CYP2C19: variants seen among roughly 807,000 people sequenced by gnomAD.
CYP2C19 encodes the protein cytochrome P450 family 2 subfamily C member 19, also known as cytochrome P450 2C19.
A neutral mutation model predicts 40.9 loss-of-function variants in CYP2C19; 59 were observed. The ratio of observed to expected loss-of-function variants is 1.44; its 90% CI spans 1.17 to 1.79. The LOEUF (loss-of-function observed/expected upper bound fraction) is 1.79, where lower values mean the gene tolerates loss of function less well. CYP2C19 is among the 40% of genes most tolerant of loss of function. The pLI is 0.00. For synonymous variants in CYP2C19, 253 were observed against 208.7 expected (o/e 1.21, Z -1.83); for missense variants, 754 against 596.9 (o/e 1.26, Z -2.74).
chr10:94,830,851 A>C (rs1003132742), intron 6 of CYP2C19, among the ~76,000 whole-genome samples: 1 of 152,160 alleles, frequency 6.6e-6, no homozygotes, highest in African/African-American at 2.4e-5. Context: ...ATGTGAAATA[A>C]GCATGTCATG....
At chr10:94,793,073 A>T (rs1309502567) in intron 5 of CYP2C19, among the ~76,000 whole-genome samples, 2 of 151,964 alleles carry the variant, frequency 1.3e-5, no homozygotes, top group Non-Finnish European at 2.9e-5. Context: ...TTTTTTCTCT[A>T]AACTTCCCTT....
chr10:94,818,665 G>A (rs914644029), intron 5 of CYP2C19, among the ~76,000 whole-genome samples: 51 of 148,840 alleles, frequency 3.4e-4, no homozygotes, highest in African/African-American at 1.0e-3. Flanking sequence ...GTGAATGGGA[G>A]TTCACTCATG....
chr10:94,812,632 A>G (rs937779643), intron 5 of CYP2C19, among the ~76,000 whole-genome samples: 2 of 152,078 alleles, frequency 1.3e-5, no homozygotes, highest in African/African-American at 4.8e-5. Context: ...GTTGATCTTG[A>G]ATCTCTGATA....
At chr10:94,789,562 T>G (rs1228920513) in intron 5 of CYP2C19, among the ~76,000 whole-genome samples, 2 of 152,162 alleles carry the variant, frequency 1.3e-5, no homozygotes, top group East Asian at 1.9e-4. Flanking sequence ...TTTCTCCATA[T>G]GGTTAGCCAG....
Position 94,764,669 on chromosome 10 carries a change from C to T in CYP2C19, c.168+1796C>T, listed in dbSNP as rs187925393. 2.0e-5 allele frequency among the ~76,000 whole-genome samples: 3 copies of T among 152,154 alleles called. No individual in the cohort carries two copies. The East Asian group carries it at 5.8e-4, about 29-fold the overall frequency. On this transcript the variant is annotated intron_variant, in intron 1 of 8. Transcript: ENST00000371321. The stretch of plus-strand genomic sequence containing the variant: ...GGAACTCTTTAGGCCAGTGAAAGGG[C>T]CAGTGGGTCAGTCCAGGTGTCCTTG...
intron 5 of CYP2C19, among the ~76,000 whole-genome samples, chr10:94,799,620 C>T (rs1466123692): frequency 2.6e-5 from 4 of 152,186 alleles, no homozygotes; most frequent in African/African-American, 9.7e-5. Flanking sequence ...CTCCCTATCA[C>T]TTTCTGGTAC....
Position 94,854,895 on chromosome 10 carries a change from A to C in CYP2C19, c.*1981A>C, listed in dbSNP as rs1406129401. Reference sequence around the variant, plus strand: ...TACATTAATGGAAAGATACAGATGGAAATTACACATTATACATTTTAAACA... The same window carrying C: ...TACATTAATGGAAAGATACAGATGGCAATTACACATTATACATTTTAAACA... On this transcript the variant is annotated 3_prime_UTR_variant, in exon 9 of 9. Transcript: ENST00000371321. 1.3e-5 allele frequency among the ~76,000 whole-genome samples: 2 copies of C among 152,200 alleles called. No individual in the cohort carries two copies. Among genetic ancestry groups the C allele is most frequent in the African/African-American group, 4.8e-5 (2 of 41,454 alleles).
chr10:94,822,060 T>C (rs1481536827), intron 6 of CYP2C19, among the ~76,000 whole-genome samples: 1 of 152,210 alleles, frequency 6.6e-6, no homozygotes, highest in African/African-American at 2.4e-5. Context: ...TCTGTTCTTG[T>C]ATTAGATTGC....
At chr10:94,779,996 C>G (rs1419437761) in intron 3 of CYP2C19, among the ~76,000 whole-genome samples, 2 of 152,160 alleles carry the variant, frequency 1.3e-5, no homozygotes, top group African/African-American at 4.8e-5. Context: ...AAAACACATT[C>G]TGCTTCTTAC....
chr10:94,796,215 A>G (rs1174187256), intron 5 of CYP2C19, among the ~76,000 whole-genome samples: 4 of 152,116 alleles, frequency 2.6e-5, no homozygotes, highest in Admixed American at 6.6e-5. Flanking sequence ...CTTTCTCCAT[A>G]TGGCTAGCCA....
At chr10:94,826,605 CAG>C (rs1849227637) in intron 6 of CYP2C19, among the ~76,000 whole-genome samples, 1 of 152,172 alleles carries the variant, frequency 6.6e-6, no homozygotes, top group African/African-American at 2.4e-5. Flanking sequence ...CATCTGTAAA[CAG>C]AGACAATTTG....
chr10:94,813,306 C>A (rs1037069956), intron 5 of CYP2C19, among the ~76,000 whole-genome samples: 8 of 152,014 alleles, frequency 5.3e-5, no homozygotes, highest in Non-Finnish European at 1.0e-4. Flanking sequence ...TGTCTGTTGA[C>A]CCCTGCTGGG....
intron 6 of CYP2C19, among the ~76,000 whole-genome samples, chr10:94,841,532 C>G (rs1849495327): frequency 6.6e-6 from 1 of 152,120 alleles, no homozygotes; most frequent in Non-Finnish European, 1.5e-5. Context: ...GGGGGTTGCC[C>G]TTTGGTTTTC....
rs185213452 is a variant in CYP2C19, at chr10:94,791,813, A to G, written c.819+9816A>G. Among the ~76,000 whole-genome samples, 818 of 152,154 alleles carry G rather than the reference A, an allele frequency of 5.4e-3. 9 individuals are homozygous for G. Among genetic ancestry groups the G allele is most frequent in the African/African-American group, 0.019 (776 of 41,534 alleles). The stretch of plus-strand genomic sequence containing the variant: ...ATGTGGTCAATTTTGGAATAAGTGC[A>G]ATGTGGTGCTGAGAAGAATGTATAT... On this transcript the variant is annotated intron_variant, in intron 5 of 8. Transcript: ENST00000371321.
rs1244550790 is a variant in CYP2C19 at position 94,821,805 on chromosome 10, A to G, written c.961+1168A>G. 2.0e-5 allele frequency among the ~76,000 whole-genome samples: 3 copies of G among 151,774 alleles called. 1 individual carries two copies. The East Asian group carries it at 5.8e-4, about 29-fold the overall frequency. On this transcript the variant is annotated intron_variant, in intron 6 of 8. Coordinates refer to ENST00000371321, the MANE Select transcript of CYP2C19 (RefSeq NM_000769.4). ...TAGAAGATTTTTTCAACTTTTTTTT[A>G]TAGATTAAAGGGTAAAAATACAGAT...
chr10:94,813,632 A>ACC (rs778833018), intron 5 of CYP2C19, among the ~76,000 whole-genome samples: 6 of 148,978 alleles, frequency 4.0e-5, no homozygotes, highest in African/African-American at 5.0e-5. Flanking sequence ...TCCCCTCAAC[A>ACC]CCCCCCCCAA....
chr10:94,825,391 AT>A lies in CYP2C19; in HGVS notation c.961+4757del, dbSNP rs1367035781. Among the ~76,000 whole-genome samples, 18 of 150,030 alleles carry A rather than the reference AT, an allele frequency of 1.2e-4. No homozygotes were observed. In the South Asian group the frequency reaches 3.6e-3, roughly 30 times the overall value. On this transcript the variant is annotated intron_variant, in intron 6 of 8. Coordinates refer to ENST00000371321, the MANE Select transcript of CYP2C19 (RefSeq NM_000769.4). ...GTATCTCATTGTGGTTTTGATTTGC[AT>A]TTCTCTGATGGCCAGTGATGATGAG...
chr10:94,767,156 G>T (rs1848256809), intron 1 of CYP2C19, among the ~76,000 whole-genome samples: 1 of 152,130 alleles, frequency 6.6e-6, no homozygotes, highest in Non-Finnish European at 1.5e-5. Flanking sequence ...TTCTCAACAA[G>T]GTCATGGACA....
At chr10:94,819,039 C>G (rs1164627954) in intron 5 of CYP2C19, among the ~76,000 whole-genome samples, 1 of 149,578 alleles carries the variant, frequency 6.7e-6, no homozygotes, top group Non-Finnish European at 1.5e-5. Flanking sequence ...AACAAACTAT[C>G]TCTCAGACCA....
Sources: gnomAD v4.1 joint callset for allele counts (sites outside exome capture counted in the v4.1 genomes callset) on GRCh38, gnomAD v4.1.1 for gene constraint, MANE v1.5 for transcripts, NCBI Gene and HGNC (gene_info 2026-07-23, HGNC 2026-07-21) for gene names.